The following ABLIM2 variants were observed in gnomAD, a reference collection of about 807,000 sequenced individuals.
ABLIM2 encodes the protein actin binding LIM protein family member 2.
A neutral mutation model predicts 97.7 loss-of-function variants in ABLIM2; 53 were observed. That is an observed-to-expected ratio of 0.54 (90% CI 0.44 to 0.68). The LOEUF (loss-of-function observed/expected upper bound fraction) is 0.68. ABLIM2 is among the 30% of genes least tolerant of loss of function. ABLIM2 has a pLI of 0.00. For missense variants in ABLIM2, 835 were observed against 867.2 expected (o/e 0.96, Z 0.47); for synonymous variants, 361 against 345.8 (o/e 1.04, Z -0.49).
At chr4:8,014,295 G>A (rs1426945040) in intron 14 of ABLIM2, among the ~76,000 whole-genome samples, 2 of 152,252 alleles carry the variant, frequency 1.3e-5, no homozygotes, top group Non-Finnish European at 2.9e-5. Flanking sequence ...CCACTCCTGG[G>A]ACTTCGAATA....
chr4:7,973,971 C>T (rs2149442659), intron 20 of ABLIM2, among the ~76,000 whole-genome samples: 1 of 152,306 alleles, frequency 6.6e-6, no homozygotes, highest in East Asian at 1.9e-4. Context: ...AATGCAGGAG[C>T]CTCATGAAGT....
Position 8,021,570 on chromosome 4 carries a change from C to G in ABLIM2, c.1268-1267G>C, listed in dbSNP as rs1041401169. ...ACCCTGCGGTGACATCGAAATGAAA[C>G]AGAAATAGAACTTCTGCGGTGGGTG... On this transcript the variant is annotated intron_variant, in intron 12 of 20. Coordinates refer to ENST00000447017, the MANE Select transcript of ABLIM2 (RefSeq NM_001130083.2). The surrounding 1 kb of genome is among the most constrained non-coding windows in gnomAD (Gnocchi z 5.5). Among the ~76,000 whole-genome samples the G allele has an allele frequency of 2.2e-4, 33 of 152,234 alleles. No homozygotes were observed. The highest frequency in any genetic ancestry group is 7.5e-4 in the African/African-American group (31 of 41,462).
chr4:8,029,847 C>A, intron 10 of ABLIM2, 71 bp from the exon 11 acceptor site: 5 of 1,518,342 alleles, frequency 3.3e-6, no homozygotes. Context: ...ACCCATCCCC[C>A]GACACCATTT....
In ABLIM2 at chr4:8,029,642, A is replaced by C; in HGVS notation, c.1168+14T>G. On this transcript the variant is annotated intron_variant, in intron 11 of 20. Coordinates refer to ENST00000447017, the MANE Select transcript of ABLIM2 (RefSeq NM_001130083.2). ...AGCATCCTGGGGGCTCAGAGGAACC[A>C]GGGGGCCAAGTACCTGGACGGCTGT... 1 of 1,498,052 alleles carries C rather than the reference A, an allele frequency of 6.7e-7. No individual in the cohort carries two copies. The allele number at this position is 1,498,052 out of a possible 1,614,324, so 92.8% of individuals were successfully genotyped here. A position where few individuals can be genotyped will look rare whatever the true frequency, so the allele number is the denominator to read the frequency against.
chr4:8,117,800 C>G (rs961913732), intron 1 of ABLIM2, among the ~76,000 whole-genome samples: 1 of 152,322 alleles, frequency 6.6e-6, no homozygotes, highest in African/African-American at 2.4e-5. Context: ...GCAGGGTGTC[C>G]TGGCCAATTC....
Position 8,060,895 on chromosome 4 carries a change from C to T in ABLIM2, c.763+72G>A, listed in dbSNP as rs141542671. 467 of 1,308,480 alleles carry T rather than the reference C, an allele frequency of 3.6e-4. 1 individual carries two copies. The African/African-American group carries it at 3.9e-3, about 11-fold the overall frequency. 81.1% of individuals were successfully genotyped at this position (1,308,480 alleles called of 1,614,324 possible). ...ACACTGTCACCAACCTGTTCACACC[C>T]AGCATGTGTGTGGACATCGAAGAGG... On this transcript the variant is annotated intron_variant, in intron 7 of 20. Coordinates refer to ENST00000447017, the MANE Select transcript of ABLIM2 (RefSeq NM_001130083.2).
intron 5 of ABLIM2, 65 bp downstream of exon 5, chr4:8,080,611 G>T: frequency 1.3e-6 from 2 of 1,487,294 alleles, no homozygotes; most frequent in Non-Finnish European, 1.8e-6. Context: ...CGTGCAGAGT[G>T]TGGGACCCCC....
In ABLIM2 at chr4:8,112,421, G is replaced by A. The variant is rs1236555764; in HGVS notation, c.11-5784C>T. Among the ~76,000 whole-genome samples, 14 of 152,236 alleles carry A rather than the reference G, an allele frequency of 9.2e-5. No individual in the cohort carries two copies. In the East Asian group the frequency reaches 2.7e-3, roughly 29 times the overall value. The stretch of plus-strand genomic sequence containing the variant: ...GAGGATGTTTTAAATGTCCATTGAA[G>A]TAGAGAAAGCTCCACGTGCAAGGTC... On this transcript the variant is annotated intron_variant, in intron 1 of 20. Coordinates refer to ENST00000447017, the MANE Select transcript of ABLIM2 (RefSeq NM_001130083.2). The surrounding 1 kb of genome is among the most constrained non-coding windows in gnomAD (Gnocchi z 4.2).
chr4:8,045,058 A>G, intron 9 of ABLIM2, 106 bp downstream of exon 9: 2 of 995,204 alleles, frequency 2.0e-6, no homozygotes, highest in Non-Finnish European at 3.2e-6. Flanking sequence ...GCCCCAGATG[A>G]TAGTTCTCGG....
rs1315970952 is a variant in ABLIM2, at chr4:8,148,416, G to A, written c.10+10264C>T. On this transcript the variant is annotated intron_variant, in intron 1 of 20. Coordinates refer to ENST00000447017, the MANE Select transcript of ABLIM2 (RefSeq NM_001130083.2). This position sits in a 1 kb window ranked among gnomAD's most constrained non-coding sequence, Gnocchi z 6.7. Reference sequence around the variant, plus strand: ...AGGAGGTGAGGGAGCCGCTCAGGACGCGGGGGGGCCATGGCGCACCACAGT... The same window carrying A: ...AGGAGGTGAGGGAGCCGCTCAGGACACGGGGGGGCCATGGCGCACCACAGT... Among the ~76,000 whole-genome samples, 3 of 152,154 alleles carry A rather than the reference G, an allele frequency of 2.0e-5. No individual in the cohort carries two copies. The highest frequency in any genetic ancestry group is 6.5e-5 in the Admixed American group (1 of 15,286).
At chr4:8,076,263 C>T (rs565853787) in intron 6 of ABLIM2, among the ~76,000 whole-genome samples, 6 of 152,200 alleles carry the variant, frequency 3.9e-5, no homozygotes, top group African/African-American at 4.8e-5. Flanking sequence ...TCCAGCTCTC[C>T]GCCAGCTGCC....
intron 20 of ABLIM2, among the ~76,000 whole-genome samples, chr4:7,973,518 G>GA (rs1560330560): frequency 2.0e-5 from 3 of 151,340 alleles, no homozygotes; most frequent in Non-Finnish European, 4.4e-5. Context: ...AAAAAAGAGA[G>GA]AAAAAAAAGA....
Position 8,120,075 on chromosome 4 carries a change from C to G in ABLIM2, c.11-13438G>C, listed in dbSNP as rs544193831. Among the ~76,000 whole-genome samples, 2 of 152,178 alleles carry G rather than the reference C, an allele frequency of 1.3e-5. No homozygotes were observed. The highest frequency in any genetic ancestry group is 4.8e-5 in the African/African-American group (2 of 41,442). ...TTCACAGAGCGACAGGCACAGACGTCGGGCGGCAGGGTCCCTGGCGGCCCC... is the reference window on the plus strand; with the variant it reads ...TTCACAGAGCGACAGGCACAGACGTGGGGCGGCAGGGTCCCTGGCGGCCCC... On this transcript the variant is annotated intron_variant, in intron 1 of 20. Transcript: ENST00000447017. The surrounding 1 kb of genome is among the most constrained non-coding windows in gnomAD (Gnocchi z 5.6).
rs35304579 is a variant in ABLIM2 at position 8,095,008 on chromosome 4, TTCTC to T, written c.338+2087_338+2090del. On this transcript the variant is annotated intron_variant, in intron 3 of 20. Transcript: ENST00000447017. This position sits in a 1 kb window ranked among gnomAD's most constrained non-coding sequence, Gnocchi z 4.7. ...TCTCTTTCTTTTCCTTTTTCTTTCT[TTCTC>T]TCTCTCTCTCCCCCCACTTCTTTCC... 0.096 allele frequency among the ~76,000 whole-genome samples: 13,892 copies of T among 144,944 alleles called. 1,308 individuals are homozygous for T. The highest frequency in any genetic ancestry group is 0.25 in the African/African-American group (9,727 of 38,876).
Position 8,106,598 on chromosome 4 carries a change from G to A in ABLIM2, c.50C>T (p.Ser17Leu), listed in dbSNP as rs533297300. ...GTTGCACAGGATCGCCGTGCTGGGCGACTTCTCCAGCGGGCTGGGAGCAGC... is the reference window on the plus strand; with the variant it reads ...GTTGCACAGGATCGCCGTGCTGGGCAACTTCTCCAGCGGGCTGGGAGCAGC... ...PQAAPSPLEKSPSTAILCNTC... is the reference protein window; with the variant it reads ...PQAAPSPLEKLPSTAILCNTC... Residue 17 changes from serine to leucine, a missense_variant, in exon 2 of 21, where the codon TCG (serine) becomes TTG (leucine). Transcript: ENST00000447017. 1.7e-5 allele frequency: 27 copies of A among 1,612,154 alleles called. No homozygotes were observed. The highest frequency in any genetic ancestry group is 1.1e-4 in the East Asian group (5 of 44,844).
At chr4:8,136,573 C>T (rs970596796) in intron 1 of ABLIM2, among the ~76,000 whole-genome samples, 4 of 152,238 alleles carry the variant, frequency 2.6e-5, no homozygotes, top group East Asian at 1.9e-4. Flanking sequence ...CTGCACCCCA[C>T]GTGGCTGACT....
At position 8,085,845 on chromosome 4, in the gene ABLIM2, G is replaced by A. The variant is rs888946315; in HGVS notation, c.454+2324C>T. Among the ~76,000 whole-genome samples, 61 of 152,294 alleles carry A rather than the reference G, an allele frequency of 4.0e-4. No individual in the cohort carries two copies. Among genetic ancestry groups the A allele is most frequent in the African/African-American group, 1.3e-3 (56 of 41,566 alleles). The stretch of plus-strand genomic sequence containing the variant: ...CTGCGTCTCCAGTTTCAGAACCAAG[G>A]CCACCTTGGACAGCCTCTAGTCCTA... On this transcript the variant is annotated intron_variant, in intron 4 of 20. Coordinates refer to ENST00000447017, the MANE Select transcript of ABLIM2 (RefSeq NM_001130083.2). The surrounding 1 kb of genome is among the most constrained non-coding windows in gnomAD (Gnocchi z 6.1).
rs2152954319 is a variant in ABLIM2 at position 8,147,722 on chromosome 4, C to G, written c.10+10958G>C. ...AGCCTCCCCTGAGCCCCCGAGGGAG[C>G]TGCCAGCGCCGTTTAGCCTCGGACA... is the stretch of plus-strand genomic sequence containing the variant. On this transcript the variant is annotated intron_variant, in intron 1 of 20. Transcript: ENST00000447017. The surrounding 1 kb of genome is among the most constrained non-coding windows in gnomAD (Gnocchi z 5.3). 6.6e-6 allele frequency among the ~76,000 whole-genome samples: 1 copy of G among 152,328 alleles called. No individual in the cohort carries two copies. The highest frequency in any genetic ancestry group is 3.4e-3 in the Middle Eastern group (1 of 294).
chr4:8,029,606 A>AAT, intron 11 of ABLIM2, 50 bp downstream of exon 11: 1 of 1,317,592 alleles, frequency 7.6e-7, no homozygotes, highest in Non-Finnish European at 9.8e-7. Flanking sequence ...AAAAAAAAAA[A>AAT]GGAAAAGGAC....
Sources: gnomAD v4.1 joint callset for allele counts (sites outside exome capture counted in the v4.1 genomes callset) on GRCh38, gnomAD v4.1.1 for gene constraint, Gnocchi (gnomAD v3.1) non-coding constraint, MANE v1.5 for transcripts, NCBI Gene and HGNC (gene_info 2026-07-23, HGNC 2026-07-21) for gene names.